The following ZNF292 variants were observed in gnomAD, a reference collection of about 807,000 sequenced individuals.
ZNF292 encodes the protein zinc finger protein 292.
In ZNF292, 26 loss-of-function variants were observed where a neutral mutation model predicts 217.9. The observed-to-expected ratio is 0.12, with a 90% CI of 0.09 to 0.17. The LOEUF (loss-of-function observed/expected upper bound fraction) is 0.17. ZNF292 is among the 10% of genes least tolerant of loss of function. The pLI is 1.00. For missense variants in ZNF292, 2,904 were observed against 3,175.2 expected (o/e 0.91, Z 2.05); for synonymous variants, 1,257 against 1,124.1 (o/e 1.12, Z -2.37).
chr6:87,212,090 T>C (rs1228149670), intron 1 of ZNF292, among the ~76,000 whole-genome samples: 2 of 152,158 alleles, frequency 1.3e-5, no homozygotes, highest in African/African-American at 4.8e-5. Flanking sequence ...TCAGGGTCAG[T>C]AATTTGCTAG....
chr6:87,243,452 A>C (rs1562169630), intron 5 of ZNF292, 23 bp from the exon 6 acceptor site: 1 of 1,522,352 alleles, frequency 6.6e-7, no homozygotes, highest in Non-Finnish European at 8.8e-7. Context: ...TTTGTGGCAT[A>C]TTTCTATTGG....
rs764820868 is a variant in ZNF292 at position 87,260,118 on chromosome 6, T to C, written c.6489T>C (p.Thr2163=). 5.6e-6 allele frequency: 9 copies of C among 1,613,376 alleles called. No homozygotes were observed. In the African/African-American group the frequency reaches 1.1e-4, roughly 19 times the overall value. ...ESEAGKESEE[T]ETKQTLKEFR... ...AAGCTGGTAAAGAAAGTGAAGAAAC[T>C]GAAACTAAACAAACTTTGAAAGAAT... Residue 2163 remains threonine, a synonymous_variant, in exon 8 of 8, where the codon ACT becomes ACC. Coordinates refer to ENST00000369577, the MANE Select transcript of ZNF292 (RefSeq NM_015021.3).
At chr6:87,200,464 T>G (rs1276590436) in intron 1 of ZNF292, among the ~76,000 whole-genome samples, 1 of 150,718 alleles carries the variant, frequency 6.6e-6, no homozygotes, top group African/African-American at 2.4e-5. Context: ...ACTAGACATT[T>G]AAAAAAAAAA....
intron 1 of ZNF292, among the ~76,000 whole-genome samples, chr6:87,188,744 C>T (rs1771735946): frequency 6.8e-6 from 1 of 146,902 alleles, no homozygotes; most frequent in African/African-American, 2.5e-5. Flanking sequence ...CAGTTTAATT[C>T]ACTGTTGTTT....
rs777886058 is a variant in ZNF292, at chr6:87,218,688, A to G, written c.495A>G (p.Val165=). ...AGACTGGGGTGTGGAAAAACCCGGT[A>G]CTGTGCACTATTCTTTCCCAGGAAC... ...AQETGVWKNP[V]LCTILSQEPL... is the part of the protein sequence containing the mutation. Residue 165 remains valine, a synonymous_variant, in exon 4 of 8, where the codon GTA becomes GTG. Transcript: ENST00000369577. The G allele has an allele frequency of 6.9e-6, 11 of 1,597,556 alleles. No individual in the cohort carries two copies. Among genetic ancestry groups the G allele is most frequent in the Non-Finnish European group, 8.5e-6 (10 of 1,172,580 alleles).
At chr6:87,172,646 C>T (rs1351738454) in intron 1 of ZNF292, among the ~76,000 whole-genome samples, 1 of 152,180 alleles carries the variant, frequency 6.6e-6, no homozygotes, top group Non-Finnish European at 1.5e-5. Context: ...TGGCTCATAC[C>T]TGTAATCCCA....
chr6:87,178,026 G>GCT (rs1371591748), intron 1 of ZNF292, among the ~76,000 whole-genome samples: 1 of 151,482 alleles, frequency 6.6e-6, no homozygotes, highest in Non-Finnish European at 1.5e-5. Flanking sequence ...ATTTGCCTTA[G>GCT]CTTTCTCCTT....
chr6:87,158,769 A>C (rs1770628150), intron 1 of ZNF292, among the ~76,000 whole-genome samples: 1 of 152,254 alleles, frequency 6.6e-6, no homozygotes, highest in Admixed American at 6.5e-5. Context: ...TAACAATTAA[A>C]GAATTTATTG....
At position 87,261,795 on chromosome 6, in the gene ZNF292, G is replaced by A. The variant is rs1398820507; in HGVS notation, c.8166G>A (p.Gln2722=). Residue 2722 remains glutamine, a synonymous_variant, in exon 8 of 8, where the codon CAG becomes CAA. Coordinates refer to ENST00000369577, the MANE Select transcript of ZNF292 (RefSeq NM_015021.3). ...TAGGTAAAGCCACAGGCAGAGGTCA[G>A]TACTGATAATTAATGTAGTATAAAT... ...ISIGKATGRG[Q]Y The A allele has an allele frequency of 8.2e-6, 13 of 1,592,814 alleles. No homozygotes were observed. The highest frequency in any genetic ancestry group is 1.1e-5 in the Non-Finnish European group (13 of 1,168,634).
In ZNF292 at chr6:87,256,909, C is replaced by T. The variant is rs1332441875; in HGVS notation, c.3280C>T (p.Pro1094Ser). The T allele has an allele frequency of 1.9e-6, 3 of 1,613,710 alleles. No individual in the cohort carries two copies. Among genetic ancestry groups the T allele is most frequent in the Non-Finnish European group, 2.5e-6 (3 of 1,179,838 alleles). Residue 1094 changes from proline (P) to serine (S), a missense_variant, in exon 8 of 8, where the codon CCA becomes TCA. Pro to Ser is a moderately conservative substitution (Grantham distance 74). Transcript: ENST00000369577. Reference sequence around the variant, plus strand: ...AACTCCATCAGTGCCTCCAAAAGCTCCAGTTCAGAAATTCAGCTGCCAGGT... The same window carrying T: ...AACTCCATCAGTGCCTCCAAAAGCTTCAGTTCAGAAATTCAGCTGCCAGGT... ...LGTPSVPPKA[P>S]VQKFSCQVEG...
rs141632085 is a variant in ZNF292 at position 87,166,011 on chromosome 6, G to A, written c.168+10252G>A. On this transcript the variant is annotated intron_variant, in intron 1 of 7. Transcript: ENST00000369577. ...GACCTCAGGTGATCTGCCTGCCTTG[G>A]CCTCCCAAACTGTTGGGATTACAGG... Among the ~76,000 whole-genome samples the A allele has an allele frequency of 9.0e-4, 137 of 152,210 alleles. 2 individuals carry two copies. The East Asian group carries it at 0.019, about 21-fold the overall frequency.
intron 1 of ZNF292, among the ~76,000 whole-genome samples, chr6:87,210,294 A>G (rs1772427808): frequency 6.6e-6 from 1 of 152,204 alleles, no homozygotes; most frequent in African/African-American, 2.4e-5. Context: ...GTAAACAGAT[A>G]CATAGTTTAA....
rs10670719 is a variant in ZNF292, at chr6:87,179,158, C to CTTTTTT, written c.168+23411_168+23416dup. Among the ~76,000 whole-genome samples, 16 of 116,352 alleles carry CTTTTTT rather than the reference C, an allele frequency of 1.4e-4. 1 individual carries two copies. Among genetic ancestry groups the CTTTTTT allele is most frequent in the South Asian group, 6.1e-4 (2 of 3,278 alleles). The allele number at this position is 116,352 out of a possible 152,430, so 76.3% of individuals were successfully genotyped here. ...AAGTCTGTATTTGTGATATATGTGG[C>CTTTTTT]TTTTTTTTTTTTTTTTTGGGAGATG... On this transcript the variant is annotated intron_variant, in intron 1 of 7. Coordinates refer to ENST00000369577, the MANE Select transcript of ZNF292 (RefSeq NM_015021.3).
chr6:87,258,455 T>C lies in ZNF292; in HGVS notation c.4826T>C (p.Ile1609Thr), dbSNP rs775029015. 4.3e-6 allele frequency: 7 copies of C among 1,613,578 alleles called. No homozygotes were observed. The highest frequency in any genetic ancestry group is 1.7e-5 in the Admixed American group (1 of 59,888). The change falls in exon 8 of 8, where the codon ATA becomes ACA. Residue 1609 changes from isoleucine to threonine, a missense_variant. By Grantham distance (89) the Ile-to-Thr change is moderately conservative. Around this residue, in one of 15 missense-constraint regions of ZNF292, gnomAD observed 622 missense variants for 573.1 expected, o/e 1.09. Coordinates refer to ENST00000369577, the MANE Select transcript of ZNF292 (RefSeq NM_015021.3). ...FTSNSSRVSV[I>T]SGPQNTRSSH... Reference sequence around the variant, plus strand: ...AGTAACAGTTCTCGTGTTTCTGTTATAAGTGGTCCTCAGAACACAAGATCC... The same window carrying C: ...AGTAACAGTTCTCGTGTTTCTGTTACAAGTGGTCCTCAGAACACAAGATCC...
chr6:87,258,136 T>G lies in ZNF292; in HGVS notation c.4507T>G (p.Phe1503Val). 1 of 1,612,404 alleles carries G rather than the reference T, an allele frequency of 6.2e-7. No homozygotes were observed. Among genetic ancestry groups the G allele is most frequent in the Non-Finnish European group, 8.5e-7 (1 of 1,179,276 alleles). ...GGAAACTGCTGGCATTCCCAGTACA[T>G]TTGAGGGTGCCGAAATGCTTTCTCA... Reference protein sequence around the residue: ...ALETAGIPSTFEGAEMLSHVS... With the variant: ...ALETAGIPSTVEGAEMLSHVS... Residue 1503 changes from phenylalanine (F) to valine (V), a missense_variant, in exon 8 of 8, where the codon TTT becomes GTT. By Grantham distance (50) the Phe-to-Val change is conservative (BLOSUM62 -1). Transcript: ENST00000369577.
chr6:87,174,813 C>G (rs1436904887), intron 1 of ZNF292, among the ~76,000 whole-genome samples: 2 of 152,148 alleles, frequency 1.3e-5, no homozygotes, highest in Non-Finnish European at 2.9e-5. Context: ...GGGAATTATA[C>G]TTTATCAGAG....
chr6:87,239,315 C>A (rs1264717389), intron 5 of ZNF292, among the ~76,000 whole-genome samples: 2 of 149,388 alleles, frequency 1.3e-5, no homozygotes, highest in Non-Finnish European at 3.0e-5. Flanking sequence ...GGCGCCCCCC[C>A]ACCTCCTGGA....
chr6:87,180,671 C>G (rs1021782921), intron 1 of ZNF292, among the ~76,000 whole-genome samples: 14 of 113,978 alleles, frequency 1.2e-4, no homozygotes, highest in Non-Finnish European at 2.0e-4. Flanking sequence ...CCTCGAGCCC[C>G]TTAAGCCCCA....
intron 1 of ZNF292, among the ~76,000 whole-genome samples, chr6:87,163,482 A>G (rs572455633): frequency 6.6e-6 from 1 of 151,990 alleles, no homozygotes; most frequent in East Asian, 1.9e-4. Context: ...AACCACATAC[A>G]TTTTAGTTAC....
Sources: gnomAD v4.1 joint callset for allele counts (sites outside exome capture counted in the v4.1 genomes callset) on GRCh38, gnomAD v4.1.1 for gene constraint, gnomAD v4.1.1 regional missense constraint, MANE v1.5 for transcripts, NCBI Gene and HGNC (gene_info 2026-07-23, HGNC 2026-07-21) for gene names.